Variants in COL19A1 observed in about 807,000 individuals in gnomAD.
The protein encoded by COL19A1 is collagen alpha-1(XIX) chain.
COL19A1 carries 159 observed loss-of-function variants against 190.2 expected under a neutral mutation model. The observed-to-expected ratio is 0.84, with a 90% CI of 0.73 to 0.95. COL19A1 has a LOEUF of 0.95. Among genes scored for constraint, COL19A1 ranks in the 40% least tolerant of loss-of-function variants. The pLI is 0.00. For missense variants in COL19A1, 1,418 were observed against 1,431.9 expected (o/e 0.99, Z 0.16); for synonymous variants, 509 against 458.9 (o/e 1.11, Z -1.39).
chr6:69,966,899 T>C (rs1198153570), intron 11 of COL19A1, among the ~76,000 whole-genome samples: 1 of 152,034 alleles, frequency 6.6e-6, no homozygotes, highest in Non-Finnish European at 1.5e-5. Flanking sequence ...TATTACTTGG[T>C]TACATTTATG....
chr6:69,889,582 A>C (rs576032096), intron 2 of COL19A1, among the ~76,000 whole-genome samples: 2 of 152,348 alleles, frequency 1.3e-5, no homozygotes, highest in East Asian at 3.9e-4. Context: ...TAAACGCACC[A>C]ATCAGCACTC....
At chr6:70,101,536 C>G (rs1783630457) in intron 15 of COL19A1, among the ~76,000 whole-genome samples, 2 of 152,060 alleles carry the variant, frequency 1.3e-5, no homozygotes, top group Non-Finnish European at 2.9e-5. Flanking sequence ...CTTATAAAAA[C>G]AGCTTAACCA....
intron 15 of COL19A1, among the ~76,000 whole-genome samples, chr6:70,097,026 AC>A (rs1426859102): frequency 6.6e-6 from 1 of 152,146 alleles, no homozygotes; most frequent in Non-Finnish European, 1.5e-5. Flanking sequence ...AAGTCCAATT[AC>A]TGCTCTAACT....
intron 46 of COL19A1, among the ~76,000 whole-genome samples, chr6:70,186,692 C>T (rs568931913): frequency 2.3e-4 from 35 of 152,168 alleles, no homozygotes; most frequent in African/African-American, 7.9e-4. Context: ...AAATTTATGA[C>T]TGAAGCAACT....
At chr6:69,944,585 A>T (rs1296382211) in intron 9 of COL19A1, among the ~76,000 whole-genome samples, 1 of 152,100 alleles carries the variant, frequency 6.6e-6, no homozygotes, top group Non-Finnish European at 1.5e-5. Flanking sequence ...CATTGATTTA[A>T]TCAGGTTTAG....
At chr6:70,006,713 T>C (rs1258770525) in intron 11 of COL19A1, among the ~76,000 whole-genome samples, 1 of 152,240 alleles carries the variant, frequency 6.6e-6, no homozygotes, top group Non-Finnish European at 1.5e-5. Flanking sequence ...TTTCTTCTAA[T>C]TTTTTAAAAA....
At chr6:70,055,545 G>A (rs1780447376) in intron 14 of COL19A1, among the ~76,000 whole-genome samples, 1 of 151,990 alleles carries the variant, frequency 6.6e-6, no homozygotes, top group South Asian at 2.1e-4. Flanking sequence ...ACCTTGGGGG[G>A]CTGAGGTGGG....
At chr6:70,204,532 G>A (rs554718333) in intron 49 of COL19A1, among the ~76,000 whole-genome samples, 26 of 152,300 alleles carry the variant, frequency 1.7e-4, no homozygotes, top group Non-Finnish European at 2.6e-4. Flanking sequence ...AAGGGTAAAT[G>A]TTACCTTATG....
rs1766412166 is a variant in COL19A1, at chr6:70,184,918, A to T, written c.2856+3A>T. ...ACAGAGGCCCCAAAGGAGAACGTGT[A>T]TGTATATTACTATTGTGATTGTTAT... On this transcript the variant is annotated splice_donor_region_variant and intron_variant, in intron 46 of 50. Transcript: ENST00000620364. 4 of 1,611,696 alleles carry T rather than the reference A, an allele frequency of 2.5e-6. No homozygotes were observed. The highest frequency in any genetic ancestry group is 3.4e-6 in the Non-Finnish European group (4 of 1,178,918).
rs2487438 is a variant in COL19A1 at position 69,877,165 on chromosome 6, G to C, written c.-32-2371G>C. ...TTGAATGATGGCACCCAAGTGATAT[G>C]ACATTTATTTGCATATTTAGACCTC... On this transcript the variant is annotated intron_variant, in intron 1 of 50. Transcript: ENST00000620364. 2.0e-5 allele frequency among the ~76,000 whole-genome samples: 3 copies of C among 152,174 alleles called. No homozygotes were observed. The South Asian group carries it at 6.2e-4, about 32-fold the overall frequency.
intron 9 of COL19A1, among the ~76,000 whole-genome samples, chr6:69,956,802 T>C (rs1252627734): frequency 6.6e-6 from 1 of 152,098 alleles, no homozygotes; most frequent in Non-Finnish European, 1.5e-5. Flanking sequence ...TGGGGAAGTA[T>C]GATATATTTC....
chr6:70,171,925 G>T (rs1314049870), intron 40 of COL19A1, 39 bp from the exon 41 acceptor site: 1 of 1,601,520 alleles, frequency 6.2e-7, no homozygotes, highest in Non-Finnish European at 8.5e-7. Context: ...AAAACATTTT[G>T]ATTATTGCTC....
intron 15 of COL19A1, among the ~76,000 whole-genome samples, chr6:70,100,307 AATTTACTTAT>A (rs1350427027): frequency 6.6e-6 from 1 of 152,160 alleles, no homozygotes; most frequent in Admixed American, 6.6e-5. Flanking sequence ...CTCAGAGGCG[AATTTACTTAT>A]ATTTACTAAA....
intron 15 of COL19A1, among the ~76,000 whole-genome samples, chr6:70,092,911 C>T (rs932052164): frequency 1.3e-5 from 2 of 152,144 alleles, no homozygotes; most frequent in Admixed American, 1.3e-4. Flanking sequence ...GAGCTTGTTC[C>T]TGTTTCACGG....
intron 42 of COL19A1, among the ~76,000 whole-genome samples, chr6:70,177,843 C>A (rs532781582): frequency 6.6e-6 from 1 of 152,272 alleles, no homozygotes; most frequent in Non-Finnish European, 1.5e-5. Context: ...ATTGTGTTCA[C>A]CCAGGTGTGT....
intron 34 of COL19A1, among the ~76,000 whole-genome samples, chr6:70,157,102 C>T (rs1787487818): frequency 6.6e-6 from 1 of 152,050 alleles, no homozygotes; most frequent in Non-Finnish European, 1.5e-5. Flanking sequence ...ACCAGCCTAG[C>T]AGTAAGGGCA....
intron 11 of COL19A1, among the ~76,000 whole-genome samples, chr6:70,016,740 A>G (rs1260587016): frequency 1.3e-5 from 2 of 151,772 alleles, no homozygotes; most frequent in Admixed American, 1.3e-4. Flanking sequence ...GATTCTTCAA[A>G]GAAGATATGT....
chr6:70,054,119 G>A (rs372043958), intron 14 of COL19A1, among the ~76,000 whole-genome samples: 8 of 152,296 alleles, frequency 5.3e-5, no homozygotes, highest in African/African-American at 1.9e-4. Flanking sequence ...GAAGGCCGAG[G>A]CAGGTGGATT....
chr6:70,138,612 GC>G (rs1786031633), intron 19 of COL19A1, among the ~76,000 whole-genome samples: 1 of 152,082 alleles, frequency 6.6e-6, no homozygotes, highest in Admixed American at 6.6e-5. Flanking sequence ...TCACTAAATT[GC>G]CTGCATGACA....
Sources: allele counts gnomAD v4.1 joint callset (sites outside exome capture counted in the v4.1 genomes callset), GRCh38; gene constraint gnomAD v4.1.1; transcripts MANE v1.5; gene names NCBI Gene and HGNC (gene_info 2026-07-23, HGNC 2026-07-21).